ARID2: variants seen among roughly 807,000 people sequenced by gnomAD.
ARID2 encodes AT-rich interaction domain 2.
A neutral mutation model predicts 184.6 loss-of-function variants in ARID2; 32 were observed. The ratio of observed to expected loss-of-function variants is 0.17; its 90% CI spans 0.13 to 0.23. The LOEUF (loss-of-function observed/expected upper bound fraction) is 0.23. Ranked by LOEUF, ARID2 falls within the 10% of genes least tolerant of loss-of-function variation. The pLI, the probability that ARID2 is intolerant of heterozygous loss-of-function variation, is 1.00. For missense variants in ARID2, 1,696 were observed against 2,197.6 expected, an observed-to-expected ratio of 0.77 and a Z score of 4.56; for synonymous variants, 836 against 772.6, an observed-to-expected ratio of 1.08 and a Z score of -1.36.
At chr12:45,875,246 A>G (rs1335771624) in intron 16 of ARID2, among the ~76,000 whole-genome samples, 1 of 152,250 alleles carries the variant, frequency 6.6e-6, no homozygotes, top group African/African-American at 2.4e-5. Flanking sequence ...GGGCACCTAG[A>G]TACATTGTCA....
intron 6 of ARID2, among the ~76,000 whole-genome samples, chr12:45,824,992 C>T (rs1942967443): frequency 6.6e-6 from 1 of 151,690 alleles, no homozygotes; most frequent in African/African-American, 2.4e-5. Context: ...AACCTAGGCA[C>T]AGAGTGAGAA....
rs2138177711 is a variant in ARID2 at position 45,852,308 on chromosome 12, A to G, written c.4185A>G (p.Pro1395=). 1.9e-6 allele frequency: 3 copies of G among 1,614,176 alleles called. No homozygotes were observed. The highest frequency in any genetic ancestry group is 1.1e-5 in the South Asian group (1 of 91,084). Residue 1395 remains proline, a synonymous_variant, in exon 15 of 21, where the codon CCA becomes CCG. Transcript: ENST00000334344. The part of the protein sequence containing the change: ...VGNGEISPME[P]QGTLDITQQD... ...ATGGTGAGATATCTCCAATGGAACC[A>G]CAAGGGACTTTAGATATCACTCAGC... is the stretch of plus-strand genomic sequence containing the variant.
intron 20 of ARID2, among the ~76,000 whole-genome samples, chr12:45,897,276 C>T (rs1033612935): frequency 2.4e-4 from 36 of 152,098 alleles, no homozygotes; most frequent in African/African-American, 8.7e-4. Context: ...TATATAAAAC[C>T]GTAAGACTCT....
Position 45,852,043 on chromosome 12 carries a change from C to T in ARID2, c.3920C>T (p.Ser1307Leu), listed in dbSNP as rs1191905912. 8 of 1,613,966 alleles carry T rather than the reference C, an allele frequency of 5.0e-6. No homozygotes were observed. The highest frequency in any genetic ancestry group is 6.8e-6 in the Non-Finnish European group (8 of 1,179,994). The change falls in exon 15 of 21, where the codon TCA becomes TTA. Residue 1307 changes from serine (S) to leucine (L), a missense_variant. Coordinates refer to ENST00000334344, the MANE Select transcript of ARID2 (RefSeq NM_152641.4). ...RKYSDSSLPP[S>L]NSGKIQSETN... ...TACAGTGACTCAAGTCTACCTCCTT[C>T]AAACTCAGGGAAAATTCAAAGTGAG...
At chr12:45,881,991 T>C in intron 16 of ARID2, 1 of 197,712 alleles carries the variant, frequency 5.1e-6, no homozygotes, top group Non-Finnish European at 1.1e-5. Context: ...TTCCTGGGGC[T>C]GGGTGACTTC....
rs139219898 is a variant in ARID2 at position 45,756,813 on chromosome 12, C to T, written c.284+25499C>T. On this transcript the variant is annotated intron_variant, in intron 3 of 20. Transcript: ENST00000334344. ...ACTTGAGAGGCTGAGGTGGGAGGAT[C>T]CCTGGAGCCTGGGAGGTTGAGGCTG... 1.6e-3 allele frequency among the ~76,000 whole-genome samples: 246 copies of T among 152,146 alleles called. 2 individuals carry two copies. Among genetic ancestry groups the T allele is most frequent in the African/African-American group, 5.7e-3 (235 of 41,520 alleles).
intron 16 of ARID2, among the ~76,000 whole-genome samples, chr12:45,864,419 A>G (rs1368198326): frequency 6.6e-6 from 1 of 152,112 alleles, no homozygotes; most frequent in Non-Finnish European, 1.5e-5. Context: ...ATTGGAATGT[A>G]AGGTTCAAAC....
At chr12:45,901,315 C>T (rs539296407) in intron 20 of ARID2, among the ~76,000 whole-genome samples, 18 of 151,228 alleles carry the variant, frequency 1.2e-4, no homozygotes, top group Admixed American at 1.1e-3. Context: ...GGACTACAGG[C>T]GCCCACCACC....
chr12:45,814,811 A>G (rs570765402), intron 4 of ARID2, among the ~76,000 whole-genome samples: 36 of 152,316 alleles, frequency 2.4e-4, no homozygotes, highest in African/African-American at 8.2e-4. Flanking sequence ...TCGCCAAATG[A>G]TTATAATAAA....
intron 6 of ARID2, among the ~76,000 whole-genome samples, chr12:45,830,184 G>T (rs1943087219): frequency 6.6e-6 from 1 of 151,654 alleles, no homozygotes; most frequent in South Asian, 2.1e-4. Flanking sequence ...TTCCATGGTG[G>T]AATATTCCCT....
intron 5 of ARID2, among the ~76,000 whole-genome samples, chr12:45,819,967 C>G (rs552986465): frequency 6.6e-6 from 1 of 152,056 alleles, no homozygotes; most frequent in African/African-American, 2.4e-5. Flanking sequence ...CAATCTCAAA[C>G]TCCTGTCCTC....
intron 16 of ARID2, among the ~76,000 whole-genome samples, chr12:45,868,492 T>A (rs1431509267): frequency 1.3e-5 from 2 of 152,192 alleles, no homozygotes; most frequent in Non-Finnish European, 1.5e-5. Flanking sequence ...CCACCCCACG[T>A]CTCGAGACTT....
At chr12:45,832,035 C>T (rs1943132092) in intron 6 of ARID2, among the ~76,000 whole-genome samples, 1 of 152,076 alleles carries the variant, frequency 6.6e-6, no homozygotes, top group Non-Finnish European at 1.5e-5. Flanking sequence ...CACAGTCTGC[C>T]TTTTCTGTGA....
chr12:45,754,271 A>C (rs1941521481), intron 3 of ARID2, among the ~76,000 whole-genome samples: 1 of 152,218 alleles, frequency 6.6e-6, no homozygotes, highest in South Asian at 2.1e-4. Flanking sequence ...TCTATTGCTA[A>C]AGAAGAAAGT....
intron 4 of ARID2, among the ~76,000 whole-genome samples, chr12:45,815,231 TATC>T (rs898364806): frequency 1.3e-5 from 2 of 152,230 alleles, no homozygotes; most frequent in Non-Finnish European, 2.9e-5. Flanking sequence ...AGACTTGGCT[TATC>T]ATCAGTCCAG....
At chr12:45,794,752 CCAGAG>C (rs1942357932) in intron 3 of ARID2, among the ~76,000 whole-genome samples, 1 of 152,070 alleles carries the variant, frequency 6.6e-6, no homozygotes, top group Non-Finnish European at 1.5e-5. Context: ...TTTCATTTGG[CCAGAG>C]CATTCAGTTT....
At chr12:45,877,524 A>G (rs867649927) in intron 16 of ARID2, among the ~76,000 whole-genome samples, 19 of 152,206 alleles carry the variant, frequency 1.2e-4, no homozygotes, top group Admixed American at 5.9e-4. Context: ...ATTTCATTAT[A>G]TGGTACAATG....
At chr12:45,810,639 A>G (rs751697341) in intron 3 of ARID2, among the ~76,000 whole-genome samples, 4 of 152,184 alleles carry the variant, frequency 2.6e-5, no homozygotes, top group Non-Finnish European at 5.9e-5. Flanking sequence ...GTATATTTAG[A>G]CCTCTAAAAT....
chr12:45,822,044 A>G (rs1471395805), intron 6 of ARID2, among the ~76,000 whole-genome samples: 1 of 152,164 alleles, frequency 6.6e-6, no homozygotes, highest in Non-Finnish European at 1.5e-5. Flanking sequence ...TGCTTCTTTT[A>G]TTTACTCTCC....
Sources: gnomAD v4.1 joint callset for allele counts (sites outside exome capture counted in the v4.1 genomes callset) on GRCh38, gnomAD v4.1.1 for gene constraint, MANE v1.5 for transcripts, NCBI Gene and HGNC (gene_info 2026-07-23, HGNC 2026-07-21) for gene names.